The following NELL1 variants were observed in gnomAD, a reference collection of about 807,000 sequenced individuals.
NELL1 encodes the protein neural EGFL like 1.
A neutral mutation model predicts 107.4 loss-of-function variants in NELL1; 76 were observed. The observed-to-expected ratio is 0.71, with a 90% CI of 0.59 to 0.86. The LOEUF is 0.86. Ranked by LOEUF, NELL1 falls within the 40% of genes least tolerant of loss-of-function variation. NELL1 has a pLI of 0.00. For missense variants in NELL1, 1,024 were observed against 1,005.5 expected (o/e 1.02, Z -0.25); for synonymous variants, 353 against 341.2 (o/e 1.03, Z -0.38).
In NELL1 at chr11:21,301,973, A is replaced by T. The variant is rs67638511; in HGVS notation, c.1550-68880A>T. On this transcript the variant is annotated intron_variant, in intron 14 of 19. Coordinates refer to ENST00000357134, the MANE Select transcript of NELL1 (RefSeq NM_006157.5). ...CTAATATGTTCTGCAATAGGTGAAGATATCTCAAAACTGGCAAGTGGCAGA... is the reference window on the plus strand; with the variant it reads ...CTAATATGTTCTGCAATAGGTGAAGTTATCTCAAAACTGGCAAGTGGCAGA... 3.9e-5 allele frequency among the ~76,000 whole-genome samples: 6 copies of T among 152,156 alleles called. No homozygotes were observed. The East Asian group carries it at 1.2e-3, about 29-fold the overall frequency.
At chr11:21,137,250 G>A (rs891904727) in intron 13 of NELL1, among the ~76,000 whole-genome samples, 1 of 152,224 alleles carries the variant, frequency 6.6e-6, no homozygotes, top group Non-Finnish European at 1.5e-5. Context: ...AAGGGTATAC[G>A]ACCAGTGTCC....
chr11:21,169,674 T>C (rs1856560026), intron 13 of NELL1: 1 of 545,504 alleles, frequency 1.8e-6, no homozygotes, highest in Admixed American at 3.5e-5. Flanking sequence ...TTACTCCATA[T>C]GTACCTAATG....
chr11:20,915,069 A>C (rs1373909728), intron 5 of NELL1, among the ~76,000 whole-genome samples: 3 of 152,018 alleles, frequency 2.0e-5, no homozygotes, highest in Non-Finnish European at 2.9e-5. Context: ...ACTATGTGAA[A>C]TCTACTACAA....
At chr11:21,185,160 C>T (rs766492482) in intron 13 of NELL1, among the ~76,000 whole-genome samples, 8 of 151,698 alleles carry the variant, frequency 5.3e-5, no homozygotes, top group African/African-American at 1.9e-4. Flanking sequence ...ATAATTCAAA[C>T]ATATTGTAAA....
Position 20,880,445 on chromosome 11 carries a change from A to T in NELL1, c.507-4999A>T, listed in dbSNP as rs60558356. Reference sequence around the variant, plus strand: ...GTTAACAGTAATATCCTTATGTTTTAAATGAGGAAATTGAAATACAGAGAA... The same window carrying T: ...GTTAACAGTAATATCCTTATGTTTTTAATGAGGAAATTGAAATACAGAGAA... On this transcript the variant is annotated intron_variant, in intron 4 of 19. Coordinates refer to ENST00000357134, the MANE Select transcript of NELL1 (RefSeq NM_006157.5). Among the ~76,000 whole-genome samples the T allele has an allele frequency of 8.5e-3, 1,292 of 152,326 alleles. 17 individuals are homozygous for T. Among genetic ancestry groups the T allele is most frequent in the African/African-American group, 0.03 (1,237 of 41,572 alleles).
At chr11:21,535,713 T>A (rs6483780) in intron 16 of NELL1, among the ~76,000 whole-genome samples, 151,951 of 152,322 alleles carry the variant, frequency 1, 75,793 homozygotes, top group Middle Eastern at 1. Flanking sequence ...TCTGTGAAAT[T>A]GAAATAATGT....
chr11:21,158,331 C>A (rs1379367667), intron 13 of NELL1, among the ~76,000 whole-genome samples: 1 of 152,120 alleles, frequency 6.6e-6, no homozygotes, highest in Admixed American at 6.6e-5. Context: ...TCATGTGAGT[C>A]AATACTCCTC....
intron 12 of NELL1, among the ~76,000 whole-genome samples, chr11:21,088,084 TG>T (rs1854438426): frequency 6.6e-6 from 1 of 151,582 alleles, no homozygotes; most frequent in Non-Finnish European, 1.5e-5. Context: ...TGTGTGTGTG[TG>T]TGTGTGTGTG....
rs533423145 is a variant in NELL1, at chr11:21,393,785, A to C, written c.1645+22837A>C. Among the ~76,000 whole-genome samples the C allele has an allele frequency of 3.3e-5, 5 of 151,810 alleles. No homozygotes were observed. In the South Asian group the frequency reaches 1.0e-3, roughly 31 times the overall value. ...GAGGGGAACTTTTGAAAGATGACTG[A>C]CTATGAAATAGTTGACTTCCACTTT... On this transcript the variant is annotated intron_variant, in intron 15 of 19. Transcript: ENST00000357134.
intron 14 of NELL1, among the ~76,000 whole-genome samples, chr11:21,243,754 A>G (rs188611992): frequency 6.6e-6 from 1 of 152,252 alleles, no homozygotes; most frequent in East Asian, 1.9e-4. Flanking sequence ...CTCAGTTCAG[A>G]CTAGCGACAT....
intron 4 of NELL1, among the ~76,000 whole-genome samples, chr11:20,864,380 C>T (rs1490760971): frequency 6.6e-6 from 1 of 152,166 alleles, no homozygotes; most frequent in African/African-American, 2.4e-5. Context: ...TTCTAGTCAC[C>T]ATGCCATACT....
intron 1 of NELL1, among the ~76,000 whole-genome samples, chr11:20,676,923 T>G (rs1382495176): frequency 1.3e-5 from 2 of 152,036 alleles, no homozygotes; most frequent in Admixed American, 6.5e-5. Flanking sequence ...ATGAATGGCT[T>G]AAACATAGCC....
intron 14 of NELL1, among the ~76,000 whole-genome samples, chr11:21,303,763 G>A (rs898325896): frequency 6.6e-6 from 1 of 152,018 alleles, no homozygotes; most frequent in Non-Finnish European, 1.5e-5. Flanking sequence ...CAACCTAAGC[G>A]TCCATCACTC....
chr11:21,289,693 A>T (rs1329162360), intron 14 of NELL1, among the ~76,000 whole-genome samples: 1 of 152,208 alleles, frequency 6.6e-6, no homozygotes, highest in African/African-American at 2.4e-5. Context: ...GGCTGAAGCC[A>T]GGGAGCCAGG....
rs1849827094 is a variant in NELL1 at position 20,899,561 on chromosome 11, GA to G, written c.603+14026del. On this transcript the variant is annotated intron_variant, in intron 5 of 19. Coordinates refer to ENST00000357134, the MANE Select transcript of NELL1 (RefSeq NM_006157.5). The stretch of plus-strand genomic sequence containing the variant: ...GTTAAACATCCAAATAGGGAAGTTA[GA>G]AAAAGAACAACAGAATGTATACAAA... 3.3e-5 allele frequency among the ~76,000 whole-genome samples: 5 copies of G among 152,122 alleles called. No individual in the cohort carries two copies. In the South Asian group the frequency reaches 1.0e-3, roughly 32 times the overall value.
intron 4 of NELL1, among the ~76,000 whole-genome samples, chr11:20,869,446 A>G (rs1849156089): frequency 6.6e-6 from 1 of 152,190 alleles, no homozygotes; most frequent in East Asian, 1.9e-4. Context: ...GTGCTGATGG[A>G]CAATTAATCT....
intron 13 of NELL1, among the ~76,000 whole-genome samples, chr11:21,129,901 G>T (rs1329067974): frequency 1.3e-5 from 2 of 152,096 alleles, no homozygotes; most frequent in African/African-American, 2.4e-5. Flanking sequence ...ATGGTTAAGA[G>T]AGTAACCATT....
chr11:21,305,787 ATAT>A (rs1211402561), intron 14 of NELL1, among the ~76,000 whole-genome samples: 2 of 152,014 alleles, frequency 1.3e-5, no homozygotes, highest in African/African-American at 4.8e-5. Flanking sequence ...AAATAGCTGC[ATAT>A]TATTCTATTT....
intron 12 of NELL1, among the ~76,000 whole-genome samples, chr11:21,027,549 T>C (rs886898939): frequency 6.6e-6 from 1 of 151,930 alleles, no homozygotes; most frequent in Non-Finnish European, 1.5e-5. Flanking sequence ...TTGACACTGA[T>C]CTTCATGCTT....
Sources: allele counts gnomAD v4.1 joint callset (sites outside exome capture counted in the v4.1 genomes callset), GRCh38; gene constraint gnomAD v4.1.1; transcripts MANE v1.5; gene names NCBI Gene and HGNC (gene_info 2026-07-23, HGNC 2026-07-21).